PDE3A: variants seen among roughly 807,000 people sequenced by gnomAD.
The protein encoded by PDE3A is cGMP-inhibited 3',5'-cyclic phosphodiesterase 3A.
A neutral mutation model predicts 98.3 loss-of-function variants in PDE3A; 43 were observed. The observed-to-expected ratio is 0.44, with a 90% CI of 0.34 to 0.56. The LOEUF is 0.56. Ranked by LOEUF, PDE3A falls within the 20% of genes least tolerant of loss-of-function variation. The pLI is 0.01. For synonymous variants in PDE3A, 663 were observed against 567.9 expected, an observed-to-expected ratio of 1.17 and a Z score of -2.38; for missense variants, 1,427 against 1,440.7, an observed-to-expected ratio of 0.99 and a Z score of 0.15.
intron 1 of PDE3A, among the ~76,000 whole-genome samples, chr12:20,548,520 T>A (rs923466026): frequency 6.6e-6 from 1 of 152,114 alleles, no homozygotes; most frequent in Non-Finnish European, 1.5e-5. Context: ...TATTTATTTT[T>A]CCAGTCTCAA....
intron 1 of PDE3A, among the ~76,000 whole-genome samples, chr12:20,465,525 C>T (rs1472077496): frequency 6.6e-6 from 1 of 152,116 alleles, no homozygotes; most frequent in African/African-American, 2.4e-5. Context: ...ATTCTCCTGC[C>T]TCAGCCTCCC....
chr12:20,454,603 T>G (rs1231743393), intron 1 of PDE3A, among the ~76,000 whole-genome samples: 6 of 152,138 alleles, frequency 3.9e-5, no homozygotes, highest in Non-Finnish European at 1.5e-5. Flanking sequence ...ATTATTTATT[T>G]TTCCCGATCC....
rs201922780 is a variant in PDE3A at position 20,493,243 on chromosome 12, CTCTG to C, written c.961-63411_961-63408del. On this transcript the variant is annotated intron_variant, in intron 1 of 15. Coordinates refer to ENST00000359062, the MANE Select transcript of PDE3A (RefSeq NM_000921.5). ...AGCAGTGTATCTTGATCACCTCCTTCTCTGTCTGTATATGTACATATACATATAT... is the reference window on the plus strand; with the variant it reads ...AGCAGTGTATCTTGATCACCTCCTTCTCTGTATATGTACATATACATATAT... 7.6e-4 allele frequency among the ~76,000 whole-genome samples: 115 copies of C among 152,288 alleles called. No homozygotes were observed. In the East Asian group the frequency reaches 0.018, roughly 23 times the overall value.
chr12:20,541,264 A>C (rs1941901549), intron 1 of PDE3A, among the ~76,000 whole-genome samples: 1 of 151,310 alleles, frequency 6.6e-6, no homozygotes, highest in Non-Finnish European at 1.5e-5. Flanking sequence ...CACCTGGCTA[A>C]TTTTTAAAAT....
At chr12:20,452,669 G>T (rs1422023296) in intron 1 of PDE3A, among the ~76,000 whole-genome samples, 1 of 152,190 alleles carries the variant, frequency 6.6e-6, no homozygotes, top group Non-Finnish European at 1.5e-5. Context: ...ATCTTATGTG[G>T]TTAATGATCT....
intron 1 of PDE3A, among the ~76,000 whole-genome samples, chr12:20,519,044 TA>T (rs11353964): frequency 0.33 from 50,114 of 152,048 alleles, 8,566 homozygotes; most frequent in Non-Finnish European, 0.35. Flanking sequence ...TTCATAACTT[TA>T]GGGGTAGCAG....
At chr12:20,588,802 T>G (rs1339988113) in intron 2 of PDE3A, among the ~76,000 whole-genome samples, 1 of 152,176 alleles carries the variant, frequency 6.6e-6, no homozygotes, top group Non-Finnish European at 1.5e-5. Flanking sequence ...GGACACATTC[T>G]CAGGCCAGGC....
chr12:20,498,281 C>G (rs563552657), intron 1 of PDE3A, among the ~76,000 whole-genome samples: 2 of 152,050 alleles, frequency 1.3e-5, no homozygotes, highest in Non-Finnish European at 2.9e-5. Flanking sequence ...CCCACCCCCC[C>G]AACTGAAGGA....
At chr12:20,436,125 C>A (rs1469196815) in intron 1 of PDE3A, among the ~76,000 whole-genome samples, 1 of 152,130 alleles carries the variant, frequency 6.6e-6, no homozygotes, top group Non-Finnish European at 1.5e-5. Context: ...CTCCAGATGG[C>A]TGGATCAAAA....
At chr12:20,430,695 T>C (rs1161016248) in intron 1 of PDE3A, among the ~76,000 whole-genome samples, 1 of 152,178 alleles carries the variant, frequency 6.6e-6, no homozygotes, top group African/African-American at 2.4e-5. Context: ...TACTGTATTT[T>C]GCCATGATTT....
At chr12:20,497,178 A>C (rs1945935467) in intron 1 of PDE3A, among the ~76,000 whole-genome samples, 1 of 152,210 alleles carries the variant, frequency 6.6e-6, no homozygotes, top group African/African-American at 2.4e-5. Flanking sequence ...CATTCTCATA[A>C]GATTTAAACC....
chr12:20,464,711 A>T (rs1945309960), intron 1 of PDE3A, among the ~76,000 whole-genome samples: 1 of 152,198 alleles, frequency 6.6e-6, no homozygotes, highest in Admixed American at 6.5e-5. Flanking sequence ...TTTTCCTTGA[A>T]GAGTGAGTGC....
chr12:20,623,780 T>C (rs1186949999), intron 5 of PDE3A, among the ~76,000 whole-genome samples: 1 of 151,952 alleles, frequency 6.6e-6, no homozygotes, highest in East Asian at 1.9e-4. Context: ...GGATGTATTC[T>C]AGAAAGAATT....
At chr12:20,534,486 G>A (rs761725385) in intron 1 of PDE3A, among the ~76,000 whole-genome samples, 1 of 152,136 alleles carries the variant, frequency 6.6e-6, no homozygotes, top group Non-Finnish European at 1.5e-5. Context: ...TCCCTTAAAA[G>A]GATGTATGCC....
chr12:20,401,895 C>T (rs905932326), intron 1 of PDE3A, among the ~76,000 whole-genome samples: 1 of 152,170 alleles, frequency 6.6e-6, no homozygotes, highest in African/African-American at 2.4e-5. Flanking sequence ...AATGAGATAT[C>T]ATCATAATTT....
At chr12:20,532,907 ACCTCGTGATCCGCCCGCCTCGG>A (rs1484171004) in intron 1 of PDE3A, among the ~76,000 whole-genome samples, 1 of 151,662 alleles carries the variant, frequency 6.6e-6, no homozygotes, top group Non-Finnish European at 1.5e-5. Flanking sequence ...CGATCTCCTG[ACCTCGTGATCCGCCCGCCTCGG>A]CCTCCCAAAG....
chr12:20,533,619 G>A (rs942515779), intron 1 of PDE3A, among the ~76,000 whole-genome samples: 1 of 151,414 alleles, frequency 6.6e-6, no homozygotes, highest in Admixed American at 6.6e-5. Flanking sequence ...GTAGCTGGGA[G>A]TACAGGCGCC....
chr12:20,466,163 T>C (rs1388010967), intron 1 of PDE3A, among the ~76,000 whole-genome samples: 1 of 152,208 alleles, frequency 6.6e-6, no homozygotes, highest in Non-Finnish European at 1.5e-5. Flanking sequence ...AACCGTGTTA[T>C]GCAACATGGA....
At position 20,559,634 on chromosome 12, in the gene PDE3A, G is replaced by T. The variant is rs1301368048; in HGVS notation, c.1011+2924G>T. Among the ~76,000 whole-genome samples, 4 of 151,290 alleles carry T rather than the reference G, an allele frequency of 2.6e-5. No homozygotes were observed. In the East Asian group the frequency reaches 7.8e-4, roughly 29 times the overall value. ...TGCAGTGAGCCAAGATCATGCCACT[G>T]CACTCCAGCCTGGGCAACAGAACGA... On this transcript the variant is annotated intron_variant, in intron 2 of 15. Transcript: ENST00000359062.
Sources: gnomAD v4.1 joint callset for allele counts (sites outside exome capture counted in the v4.1 genomes callset) on GRCh38, gnomAD v4.1.1 for gene constraint, MANE v1.5 for transcripts, NCBI Gene and HGNC (gene_info 2026-07-23, HGNC 2026-07-21) for gene names.